Variants in TMA16 observed in about 807,000 individuals in gnomAD.
The protein encoded by TMA16 is translation machinery-associated protein 16.
A neutral mutation model predicts 27.1 loss-of-function variants in TMA16; 26 were observed. The observed-to-expected ratio is 0.96, with a 90% confidence interval of 0.70 to 1.33. TMA16 has a LOEUF of 1.33. TMA16 is among the 40% of genes most tolerant of loss of function. TMA16 has a pLI of 0.00. For missense variants in TMA16, 233 were observed against 241.4 expected (o/e 0.97, Z 0.23); for synonymous variants, 71 against 81.9 (o/e 0.87, Z 0.72).
chr4:163,503,765 T>C (rs1737681132), intron 1 of TMA16, among the ~76,000 whole-genome samples: 1 of 152,194 alleles, frequency 6.6e-6, no homozygotes, highest in Non-Finnish European at 1.5e-5. Flanking sequence ...TGATAGAGTT[T>C]TACTTTAGTT....
chr4:163,518,295 C>G (rs1263661595), intron 6 of TMA16, among the ~76,000 whole-genome samples: 7 of 152,084 alleles, frequency 4.6e-5, no homozygotes, highest in Non-Finnish European at 1.5e-5. Flanking sequence ...TAGAAGAAAA[C>G]CTAGTAAATA....
chr4:163,505,946 G>A (rs1376323024), intron 1 of TMA16, among the ~76,000 whole-genome samples: 1 of 152,138 alleles, frequency 6.6e-6, no homozygotes, highest in African/African-American at 2.4e-5. Flanking sequence ...TAGGTATGTT[G>A]GAGACTGCCA....
intron 2 of TMA16, chr4:163,512,590 A>G (rs1737814257): frequency 4.9e-6 from 2 of 411,228 alleles, no homozygotes; most frequent in Non-Finnish European, 4.4e-6. Flanking sequence ...TTTGTTCTAT[A>G]GGCTTCCTTT....
Position 163,519,441 on chromosome 4 carries a change from A to T in TMA16, c.539A>T (p.Asp180Val). Residue 180 changes from aspartate (D) to valine (V), a missense_variant, in exon 7 of 7, where the codon GAC (aspartate) becomes GTC (valine). Asp to Val is a radical substitution (Grantham distance 152). Transcript: ENST00000358572. ...TCKRKTIITV[D>V]QDLGELELND... ...AAGAGGAAAACTATTATAACTGTAG[A>T]CCAAGATTTGGGGGAATTGGAACTA... 1 of 1,606,560 alleles carries T rather than the reference A, an allele frequency of 6.2e-7. No homozygotes were observed. The highest frequency in any genetic ancestry group is 1.3e-5 in the African/African-American group (1 of 74,638).
At chr4:163,510,714 C>T (rs1737780667) in intron 2 of TMA16, among the ~76,000 whole-genome samples, 1 of 152,196 alleles carries the variant, frequency 6.6e-6, no homozygotes, top group Non-Finnish European at 1.5e-5. Context: ...CAAGCTAAGG[C>T]ATTAGCCACC....
chr4:163,496,536 A>T (rs1737555785), intron 1 of TMA16, among the ~76,000 whole-genome samples: 1 of 152,170 alleles, frequency 6.6e-6, no homozygotes, highest in South Asian at 2.1e-4. Flanking sequence ...TAATCTTTTC[A>T]AATTAATCCA....
intron 1 of TMA16, among the ~76,000 whole-genome samples, chr4:163,501,984 T>C (rs1465969950): frequency 6.6e-6 from 1 of 152,168 alleles, no homozygotes; most frequent in Admixed American, 6.5e-5. Context: ...TGAAGGCAAG[T>C]TCATGTCAGT....
intron 6 of TMA16, 200 bp downstream of exon 6, chr4:163,517,676 G>T: frequency 2.0e-6 from 1 of 508,236 alleles, no homozygotes; most frequent in Admixed American, 3.9e-5. Flanking sequence ...TGGTAACCTG[G>T]TGTGCTTTTT....
intron 6 of TMA16, chr4:163,517,702 T>C (rs1021121033): frequency 2.2e-5 from 11 of 495,644 alleles, no homozygotes; most frequent in Middle Eastern, 5.0e-4. Flanking sequence ...TCAAAATGGT[T>C]TAAGATACAT....
chr4:163,519,246 C>T, intron 6 of TMA16, 88 bp from the exon 7 acceptor site: 8 of 1,247,534 alleles, frequency 6.4e-6, no homozygotes, highest in Non-Finnish European at 6.4e-6. Context: ...GTAGGATCCT[C>T]AGAGTTTCGA....
rs201474366 is a variant in TMA16 at position 163,499,370 on chromosome 4, CCTTT to C, written c.3+4569_3+4572del. 9.2e-5 allele frequency among the ~76,000 whole-genome samples: 14 copies of C among 152,104 alleles called. No homozygotes were observed. The East Asian group carries it at 2.5e-3, about 27-fold the overall frequency. The stretch of plus-strand genomic sequence containing the variant: ...GAATTTTATATAATGTTTAGAAAGA[CCTTT>C]CTCTGAGACTCCTCTACAAAAAAAT... On this transcript the variant is annotated intron_variant, in intron 1 of 6. Transcript: ENST00000358572.
At chr4:163,506,891 T>C in intron 1 of TMA16, 142 bp from the exon 2 acceptor site, 1 of 629,960 alleles carries the variant, frequency 1.6e-6, no homozygotes, top group Admixed American at 3.0e-5. Flanking sequence ...CTGGCTTATC[T>C]CCTGATTTTT....
Position 163,494,715 on chromosome 4 carries a change from G to C in TMA16, c.-87G>C, listed in dbSNP as rs996099761. The C allele has an allele frequency of 4.4e-6, 7 of 1,591,738 alleles. No homozygotes were observed. In the African/African-American group the frequency reaches 6.7e-5, roughly 15 times the overall value. ...AGGCGCCACGTGGGATTCGGCCCGG[G>C]TGCTCTTGTGAGCTGCTGCTCCTGC... On this transcript the variant is annotated 5_prime_UTR_variant, in exon 1 of 7. Coordinates refer to ENST00000358572, the MANE Select transcript of TMA16 (RefSeq NM_018352.3).
intron 1 of TMA16, among the ~76,000 whole-genome samples, chr4:163,499,193 G>C (rs1737609429): frequency 6.6e-6 from 1 of 151,892 alleles, no homozygotes; most frequent in Non-Finnish European, 1.5e-5. Context: ...ATCTTTTGCT[G>C]ATCTTTTTCA....
intron 1 of TMA16, among the ~76,000 whole-genome samples, chr4:163,497,844 A>T (rs117172618): frequency 1.3e-5 from 2 of 152,332 alleles, no homozygotes; most frequent in East Asian, 3.9e-4. Flanking sequence ...AGGGCAGAGC[A>T]TTATTGCGTC....
chr4:163,504,269 C>T (rs927052539), intron 1 of TMA16, among the ~76,000 whole-genome samples: 1 of 152,086 alleles, frequency 6.6e-6, no homozygotes, highest in Non-Finnish European at 1.5e-5. Context: ...TCACAGGATG[C>T]ATCTTTGCTT....
intron 1 of TMA16, among the ~76,000 whole-genome samples, chr4:163,506,482 G>C (rs1424747955): frequency 2.0e-5 from 3 of 152,102 alleles, no homozygotes; most frequent in African/African-American, 7.2e-5. Flanking sequence ...CTGGCATAAG[G>C]CTTCAGTGGG....
At chr4:163,517,611 C>A in intron 6 of TMA16, 135 bp downstream of exon 6, 2 of 731,040 alleles carry the variant, frequency 2.7e-6, no homozygotes, top group Non-Finnish European at 4.3e-6. Flanking sequence ...TTTATCTGAC[C>A]AAGTAAGAAT....
At chr4:163,505,251 C>G (rs1051167099) in intron 1 of TMA16, among the ~76,000 whole-genome samples, 1 of 152,128 alleles carries the variant, frequency 6.6e-6, no homozygotes, top group African/African-American at 2.4e-5. Context: ...TTACACCTGC[C>G]TTTCTCCTCT....
Sources: gnomAD v4.1 joint callset for allele counts (sites outside exome capture counted in the v4.1 genomes callset) on GRCh38, gnomAD v4.1.1 for gene constraint, MANE v1.5 for transcripts, NCBI Gene and HGNC (gene_info 2026-07-23, HGNC 2026-07-21) for gene names.